CTNNBL1: variants seen among roughly 807,000 people sequenced by gnomAD.
CTNNBL1 encodes the protein beta-catenin-like protein 1.
In CTNNBL1, 31 loss-of-function variants were observed where a neutral mutation model predicts 72.7. The observed-to-expected ratio is 0.43, with a 90% CI of 0.32 to 0.58. CTNNBL1 has a LOEUF of 0.58. Among genes scored for constraint, CTNNBL1 ranks in the 20% least tolerant of loss-of-function variants. The pLI is 0.08. For missense variants in CTNNBL1, 534 were observed against 725.1 expected (o/e 0.74, Z 3.03); for synonymous variants, 240 against 267.3 (o/e 0.90, Z 1.00).
intron 4 of CTNNBL1, chr20:37,750,936 G>A (rs112787892): frequency 0.02 from 2,999 of 152,332 alleles, 57 homozygotes; most frequent in Middle Eastern, 0.071. Flanking sequence ...CCCTGAGAAG[G>A]TGTGGGTCAT....
chr20:37,765,526 C>G (rs1230522035), intron 6 of CTNNBL1, among the ~76,000 whole-genome samples: 4 of 152,182 alleles, frequency 2.6e-5, no homozygotes, highest in African/African-American at 7.2e-5. Context: ...CCTTCCTAAA[C>G]AAAAAACCAG....
At chr20:37,707,933 G>A (rs952450621) in intron 1 of CTNNBL1, among the ~76,000 whole-genome samples, 2 of 151,882 alleles carry the variant, frequency 1.3e-5, no homozygotes, top group Admixed American at 6.6e-5. Context: ...CCTGAGGAGA[G>A]AGAGAGAGAG....
In CTNNBL1 at chr20:37,862,528, C is replaced by T. The variant is rs527524637; in HGVS notation, c.1603+2184C>T. The stretch of plus-strand genomic sequence containing the variant: ...TGTGAGCCCTAGCCTCTGTCTCCCT[C>T]GGATCCTGGTTTATTTCCCTAGTGC... On this transcript the variant is annotated intron_variant, in intron 15 of 15. Coordinates refer to ENST00000361383, the MANE Select transcript of CTNNBL1 (RefSeq NM_030877.5). 5.3e-5 allele frequency among the ~76,000 whole-genome samples: 8 copies of T among 152,328 alleles called. No individual in the cohort carries two copies. The South Asian group carries it at 1.2e-3, about 24-fold the overall frequency.
At chr20:37,737,843 G>A (rs1194720269) in intron 3 of CTNNBL1, among the ~76,000 whole-genome samples, 1 of 152,190 alleles carries the variant, frequency 6.6e-6, no homozygotes, top group Non-Finnish European at 1.5e-5. Context: ...ATGCTGTCCA[G>A]GGAAGCCCAT....
At position 37,694,090 on chromosome 20, in the gene CTNNBL1, C is replaced by T. The variant is rs552533828; in HGVS notation, c.-33C>T. On this transcript the variant is annotated 5_prime_UTR_variant, in exon 1 of 16. Transcript: ENST00000361383. The stretch of plus-strand genomic sequence containing the variant: ...CGGGCCCGCGGTCTGGGCGTGAGTG[C>T]AGGGAAGTGGAGTATTTGCTGGGCC... 4 of 1,601,544 alleles carry T rather than the reference C, an allele frequency of 2.5e-6. No homozygotes were observed. In the African/African-American group the frequency reaches 5.4e-5, roughly 22 times the overall value.
intron 7 of CTNNBL1, among the ~76,000 whole-genome samples, chr20:37,769,315 A>G (rs1164105109): frequency 6.6e-6 from 1 of 152,198 alleles, no homozygotes; most frequent in Non-Finnish European, 1.5e-5. Flanking sequence ...TTTTTGTAGT[A>G]TTGCAAAATT....
At chr20:37,717,752 C>T (rs1467073117) in intron 1 of CTNNBL1, among the ~76,000 whole-genome samples, 2 of 152,026 alleles carry the variant, frequency 1.3e-5, no homozygotes, top group Admixed American at 6.6e-5. Context: ...GAGGACCCTG[C>T]GGCCTTCCGT....
chr20:37,716,621 T>G (rs997743581), intron 1 of CTNNBL1, among the ~76,000 whole-genome samples: 1 of 152,212 alleles, frequency 6.6e-6, no homozygotes, highest in Non-Finnish European at 1.5e-5. Context: ...AAAGCAGACA[T>G]GAAACCATAT....
chr20:37,853,008 G>A (rs1283399973), intron 13 of CTNNBL1, among the ~76,000 whole-genome samples: 2 of 152,142 alleles, frequency 1.3e-5, no homozygotes, highest in East Asian at 3.8e-4. Context: ...ATAGTTTAGA[G>A]GAGTTCCAGT....
At chr20:37,855,660 G>A (rs1600531512) in intron 13 of CTNNBL1, among the ~76,000 whole-genome samples, 1 of 152,210 alleles carries the variant, frequency 6.6e-6, no homozygotes, top group East Asian at 1.9e-4. Flanking sequence ...CCTGCCTCTC[G>A]ATGCTCTAAG....
At chr20:37,808,786 C>T (rs1266420087) in intron 11 of CTNNBL1, among the ~76,000 whole-genome samples, 1 of 152,094 alleles carries the variant, frequency 6.6e-6, no homozygotes, top group Non-Finnish European at 1.5e-5. Context: ...GTTGACACAG[C>T]TAATAATCAG....
At chr20:37,871,360 C>T (rs927021060) in intron 15 of CTNNBL1, among the ~76,000 whole-genome samples, 3 of 152,198 alleles carry the variant, frequency 2.0e-5, no homozygotes, top group Non-Finnish European at 4.4e-5. Context: ...CAGAAATGTA[C>T]TTCCTCACAA....
At chr20:37,743,019 G>T (rs535012247) in intron 3 of CTNNBL1, among the ~76,000 whole-genome samples, 1 of 152,162 alleles carries the variant, frequency 6.6e-6, no homozygotes, top group African/African-American at 2.4e-5. Flanking sequence ...GGCCAGGCAG[G>T]TCTCAAACTC....
chr20:37,860,955 G>A lies in CTNNBL1; in HGVS notation c.1603+611G>A, dbSNP rs552335298. 2.0e-5 allele frequency among the ~76,000 whole-genome samples: 3 copies of A among 152,300 alleles called. No homozygotes were observed. In the East Asian group the frequency reaches 5.8e-4, roughly 29 times the overall value. On this transcript the variant is annotated intron_variant, in intron 15 of 15. Coordinates refer to ENST00000361383, the MANE Select transcript of CTNNBL1 (RefSeq NM_030877.5). ...GTGTATCTATAGGGAAAAACATAGT[G>A]TACATAGGTTTCAGTACTGTGTGCA...
chr20:37,747,571 GTTATTT>G (rs370704426), intron 4 of CTNNBL1, among the ~76,000 whole-genome samples: 24 of 151,836 alleles, frequency 1.6e-4, no homozygotes, highest in African/African-American at 5.3e-4. Flanking sequence ...GTCTTTCAGT[GTTATTT>G]TTATTTTTAT....
At chr20:37,779,414 T>C (rs940839733) in intron 10 of CTNNBL1, 79 bp downstream of exon 10, 4 of 1,491,418 alleles carry the variant, frequency 2.7e-6, no homozygotes, top group Non-Finnish European at 3.7e-6. Context: ...AGCATGTAGC[T>C]ATGATCATTT....
At chr20:37,694,421 T>TC (rs1432875562) in intron 1 of CTNNBL1, among the ~76,000 whole-genome samples, 1 of 152,098 alleles carries the variant, frequency 6.6e-6, no homozygotes, top group Non-Finnish European at 1.5e-5. Flanking sequence ...CCCCAGACTA[T>TC]CCTTTTTTTC....
At chr20:37,737,594 G>A in intron 3 of CTNNBL1, 110 bp downstream of exon 3, 1 of 667,746 alleles carries the variant, frequency 1.5e-6, no homozygotes, top group East Asian at 2.8e-5. Context: ...GGAATCCCAG[G>A]ATGACCCCCA....
chr20:37,760,975 A>G (rs1006690163), intron 5 of CTNNBL1, among the ~76,000 whole-genome samples: 2 of 152,024 alleles, frequency 1.3e-5, no homozygotes, highest in East Asian at 1.9e-4. Flanking sequence ...ATGAGAGGAT[A>G]GAGCTTTAGT....
Sources: allele counts gnomAD v4.1 joint callset (sites outside exome capture counted in the v4.1 genomes callset), GRCh38; gene constraint gnomAD v4.1.1; transcripts MANE v1.5; gene names NCBI Gene and HGNC (gene_info 2026-07-23, HGNC 2026-07-21).